Variants in PCDH9 observed in about 807,000 individuals in gnomAD.
The protein encoded by PCDH9 is protocadherin 9, also known as protocadherin-9.
A neutral mutation model predicts 70.6 loss-of-function variants in PCDH9; 24 were observed. That is an observed-to-expected ratio of 0.34 (90% CI 0.25 to 0.48). The LOEUF (loss-of-function observed/expected upper bound fraction) is 0.48, where lower values mean the gene tolerates loss of function less well. Among genes scored for constraint, PCDH9 ranks in the 20% least tolerant of loss-of-function variants. The pLI is 0.99. For missense variants in PCDH9, 1,281 were observed against 1,503.6 expected, an observed-to-expected ratio of 0.85 and a Z score of 2.45; for synonymous variants, 562 against 558.5, an observed-to-expected ratio of 1.01 and a Z score of -0.09.
intron 3 of PCDH9, among the ~76,000 whole-genome samples, chr13:66,864,466 G>A (rs1173974078): frequency 6.6e-6 from 1 of 152,068 alleles, no homozygotes. Flanking sequence ...TGGTGGTTGT[G>A]TTATCCTTTA....
At chr13:67,096,327 A>G (rs966050107) in intron 2 of PCDH9, among the ~76,000 whole-genome samples, 1 of 152,216 alleles carries the variant, frequency 6.6e-6, no homozygotes, top group South Asian at 2.1e-4. Context: ...CTACTAAGTC[A>G]TTTGAAATGT....
intron 4 of PCDH9, among the ~76,000 whole-genome samples, chr13:66,610,086 T>C (rs549204451): frequency 2.1e-4 from 32 of 152,020 alleles, no homozygotes; most frequent in Admixed American, 1.7e-3. Flanking sequence ...GCCTCCTTCT[T>C]ATTTAATAAC....
At chr13:66,375,899 C>T (rs2138228562) in intron 4 of PCDH9, among the ~76,000 whole-genome samples, 1 of 152,012 alleles carries the variant, frequency 6.6e-6, no homozygotes, top group Admixed American at 6.6e-5. Flanking sequence ...AAGCAAAAAA[C>T]AACAACAAAA....
chr13:67,096,013 G>A (rs1000046775), intron 2 of PCDH9, among the ~76,000 whole-genome samples: 4 of 152,132 alleles, frequency 2.6e-5, no homozygotes, highest in African/African-American at 7.2e-5. Flanking sequence ...TAGTAATAAA[G>A]ACAAGCACAT....
chr13:66,352,551 A>G (rs1956309461), intron 4 of PCDH9, among the ~76,000 whole-genome samples: 1 of 152,078 alleles, frequency 6.6e-6, no homozygotes. Flanking sequence ...TTGGAGTTCC[A>G]GTGGAGAGGG....
At chr13:66,581,986 G>A (rs1305563263) in intron 4 of PCDH9, among the ~76,000 whole-genome samples, 1 of 151,978 alleles carries the variant, frequency 6.6e-6, no homozygotes, top group Admixed American at 6.6e-5. Context: ...TTTCAGTTTA[G>A]AACTTAAATC....
At chr13:66,829,061 A>G (rs1029164103) in intron 3 of PCDH9, among the ~76,000 whole-genome samples, 3 of 151,944 alleles carry the variant, frequency 2.0e-5, no homozygotes, top group Admixed American at 6.6e-5. Flanking sequence ...GCACTTGTCC[A>G]GGCTGGAGTG....
chr13:66,834,466 C>A (rs892954882), intron 3 of PCDH9, among the ~76,000 whole-genome samples: 1 of 152,104 alleles, frequency 6.6e-6, no homozygotes, highest in Admixed American at 6.6e-5. Flanking sequence ...GGTTTCTGAA[C>A]TTTTCAAGGA....
chr13:66,666,674 C>A (rs1885950), intron 3 of PCDH9, among the ~76,000 whole-genome samples: 67,168 of 151,858 alleles, frequency 0.44, 14,978 homozygotes, highest in Middle Eastern at 0.5. Flanking sequence ...AATTGTTCTA[C>A]AATATGTCAG....
rs545461842 is a variant in PCDH9, at chr13:66,920,057, G to T, written c.3037-16452C>A. On this transcript the variant is annotated intron_variant, in intron 2 of 4. Transcript: ENST00000377865. The stretch of plus-strand genomic sequence containing the variant: ...TAATATGCTATCTGCTCCCCTTACA[G>T]ATACTGTTCCAAGAATAAGCACTGG... Among the ~76,000 whole-genome samples, 13 of 150,886 alleles carry T rather than the reference G, an allele frequency of 8.6e-5. No homozygotes were observed. In the South Asian group the frequency reaches 1.7e-3, roughly 19 times the overall value.
At chr13:67,214,676 G>A (rs2089548671) in intron 2 of PCDH9, 2 of 151,876 alleles carry the variant, frequency 1.3e-5, no homozygotes, top group Non-Finnish European at 2.9e-5. Flanking sequence ...GCTATATTGA[G>A]ATACTGTTAT....
At chr13:67,076,026 TAAAC>T (rs888557640) in intron 2 of PCDH9, among the ~76,000 whole-genome samples, 23 of 152,152 alleles carry the variant, frequency 1.5e-4, no homozygotes, top group African/African-American at 5.3e-4. Flanking sequence ...AAAATTAAAA[TAAAC>T]AAATGTTTAT....
intron 4 of PCDH9, among the ~76,000 whole-genome samples, chr13:66,629,966 G>A (rs764116382): frequency 6.6e-6 from 1 of 152,136 alleles, no homozygotes; most frequent in Non-Finnish European, 1.5e-5. Flanking sequence ...AAGCCCTGTT[G>A]TATGTTTTAC....
At chr13:67,028,130 T>C (rs2139877195) in intron 2 of PCDH9, among the ~76,000 whole-genome samples, 1 of 149,518 alleles carries the variant, frequency 6.7e-6, no homozygotes, top group South Asian at 2.2e-4. Flanking sequence ...ATATGTTTCT[T>C]GCGGCACTAT....
intron 4 of PCDH9, among the ~76,000 whole-genome samples, chr13:66,509,942 T>C (rs1184195845): frequency 6.6e-6 from 1 of 152,240 alleles, no homozygotes; most frequent in Non-Finnish European, 1.5e-5. Flanking sequence ...GGATATATCA[T>C]AGACTAGAAT....
chr13:67,026,408 G>A (rs924042516), intron 2 of PCDH9, among the ~76,000 whole-genome samples: 9 of 152,180 alleles, frequency 5.9e-5, no homozygotes, highest in African/African-American at 1.2e-4. Flanking sequence ...TTGATGGGAC[G>A]TATCTCAAAA....
intron 3 of PCDH9, among the ~76,000 whole-genome samples, chr13:66,638,483 T>C (rs900034401): frequency 1.3e-3 from 204 of 152,178 alleles, no homozygotes; most frequent in African/African-American, 4.6e-3. Flanking sequence ...ACATAAAAAA[T>C]AAAAGGAATA....
At chr13:66,937,996 T>C (rs1007297438) in intron 2 of PCDH9, among the ~76,000 whole-genome samples, 9 of 152,214 alleles carry the variant, frequency 5.9e-5, no homozygotes, top group African/African-American at 2.2e-4. Flanking sequence ...CTGGCTTGAA[T>C]AAATACATCA....
At chr13:67,003,177 A>C (rs1343956166) in intron 2 of PCDH9, among the ~76,000 whole-genome samples, 5 of 152,158 alleles carry the variant, frequency 3.3e-5, no homozygotes, top group African/African-American at 1.2e-4. Flanking sequence ...ACATACACAT[A>C]CATGGTAAGT....
Sources: allele counts gnomAD v4.1 joint callset (sites outside exome capture counted in the v4.1 genomes callset), GRCh38; gene constraint gnomAD v4.1.1; transcripts MANE v1.5; gene names NCBI Gene and HGNC (gene_info 2026-07-23, HGNC 2026-07-21).